TRPC4: variants seen among roughly 807,000 people sequenced by gnomAD.
The protein encoded by TRPC4 is transient receptor potential cation channel subfamily C member 4.
TRPC4 carries 49 observed loss-of-function variants against 99.4 expected under a neutral mutation model. The ratio of observed to expected loss-of-function variants is 0.49; its 90% CI spans 0.39 to 0.63. TRPC4 has a LOEUF of 0.63. TRPC4 is among the 20% of genes least tolerant of loss of function. TRPC4 has a pLI of 0.00. For synonymous variants in TRPC4, 454 were observed against 425.9 expected (o/e 1.07, Z -0.81); for missense variants, 898 against 1,152.9 (o/e 0.78, Z 3.20).
intron 3 of TRPC4, among the ~76,000 whole-genome samples, chr13:37,742,147 G>A (rs1435563502): frequency 2.0e-5 from 3 of 152,092 alleles, no homozygotes; most frequent in Non-Finnish European, 4.4e-5. Flanking sequence ...CTATGATGCT[G>A]CTGCTTAGAA....
At chr13:37,660,646 A>G (rs557202622) in intron 6 of TRPC4, among the ~76,000 whole-genome samples, 2 of 152,310 alleles carry the variant, frequency 1.3e-5, no homozygotes, top group South Asian at 2.1e-4. Context: ...ACCATTGCCA[A>G]TCATGAAGAT....
chr13:37,781,208 T>A (rs1956830096), intron 2 of TRPC4, among the ~76,000 whole-genome samples: 1 of 152,122 alleles, frequency 6.6e-6, no homozygotes. Flanking sequence ...AAAATAGAAC[T>A]AAGAAGGTTC....
At chr13:37,706,623 C>G (rs1326543402) in intron 3 of TRPC4, among the ~76,000 whole-genome samples, 1 of 148,128 alleles carries the variant, frequency 6.8e-6, no homozygotes, top group Non-Finnish European at 1.5e-5. Context: ...TGCTACCCCT[C>G]CCCCCTACCC....
chr13:37,638,951 C>G, intron 10 of TRPC4, 89 bp downstream of exon 10: 1 of 1,344,328 alleles, frequency 7.4e-7, no homozygotes, highest in South Asian at 1.2e-5. Context: ...GAACACACAG[C>G]TGCATTTCCA....
chr13:37,730,862 C>T (rs565071324), intron 3 of TRPC4, among the ~76,000 whole-genome samples: 1 of 152,080 alleles, frequency 6.6e-6, no homozygotes, highest in African/African-American at 2.4e-5. Context: ...TATAAAATGG[C>T]AGCTTCTTTG....
chr13:37,675,169 T>G (rs1013790721), intron 4 of TRPC4, among the ~76,000 whole-genome samples: 1 of 152,162 alleles, frequency 6.6e-6, no homozygotes, highest in Non-Finnish European at 1.5e-5. Flanking sequence ...ACATGAAATT[T>G]AGAGTTGAAG....
intron 5 of TRPC4, among the ~76,000 whole-genome samples, chr13:37,671,983 T>G (rs188707818): frequency 1.3e-5 from 2 of 152,376 alleles, no homozygotes; most frequent in Admixed American, 6.5e-5. Flanking sequence ...TACTGTGTAC[T>G]GCTCCACATA....
Position 37,635,677 on chromosome 13 carries a change from A to G in TRPC4, c.*1226T>C, listed in dbSNP as rs1285461792. ...TGGCTTAAATAGACACAAGCAATGT[A>G]AAATTTAAGCTTTAAGTTTCTAGTA... On this transcript the variant is annotated 3_prime_UTR_variant, in exon 11 of 11. Transcript: ENST00000379705. 2.0e-5 allele frequency among the ~76,000 whole-genome samples: 3 copies of G among 152,142 alleles called. No individual in the cohort carries two copies. Among genetic ancestry groups the G allele is most frequent in the Admixed American group, 6.6e-5 (1 of 15,256 alleles).
intron 1 of TRPC4, among the ~76,000 whole-genome samples, chr13:37,837,974 A>G (rs1958613094): frequency 6.6e-6 from 1 of 152,190 alleles, no homozygotes; most frequent in Non-Finnish European, 1.5e-5. Flanking sequence ...TGGTTTCAGA[A>G]GGAGGAGTTT....
chr13:37,838,931 G>A (rs1958651318), intron 1 of TRPC4, among the ~76,000 whole-genome samples: 1 of 152,092 alleles, frequency 6.6e-6, no homozygotes, highest in Non-Finnish European at 1.5e-5. Context: ...AGTCCTCAAG[G>A]AGTTACATAA....
intron 5 of TRPC4, among the ~76,000 whole-genome samples, chr13:37,667,146 C>G (rs573475202): frequency 1.3e-5 from 2 of 152,112 alleles, no homozygotes; most frequent in African/African-American, 2.4e-5. Flanking sequence ...GTCTAAAATC[C>G]CAGCATCTAA....
At chr13:37,686,876 C>T (rs533161093) in intron 4 of TRPC4, among the ~76,000 whole-genome samples, 6 of 152,252 alleles carry the variant, frequency 3.9e-5, no homozygotes, top group South Asian at 2.1e-4. Context: ...AATGTCACGT[C>T]GCTTCAGCAG....
intron 1 of TRPC4, among the ~76,000 whole-genome samples, chr13:37,862,684 CTG>C (rs751936458): frequency 1.3e-5 from 2 of 151,570 alleles, no homozygotes; most frequent in Non-Finnish European, 3.0e-5. Flanking sequence ...ATACAGGACA[CTG>C]GAGTGTGATA....
At chr13:37,718,016 T>C (rs753124054) in intron 3 of TRPC4, among the ~76,000 whole-genome samples, 4 of 152,124 alleles carry the variant, frequency 2.6e-5, no homozygotes, top group Non-Finnish European at 5.9e-5. Flanking sequence ...AGGCTACCAC[T>C]GTGGTACATT....
chr13:37,865,996 T>A (rs1044307191), intron 1 of TRPC4, among the ~76,000 whole-genome samples: 1 of 151,774 alleles, frequency 6.6e-6, no homozygotes, highest in Non-Finnish European at 1.5e-5. Context: ...CCTCTTTTCT[T>A]TTTTCACAAT....
At chr13:37,704,580 G>A (rs944548450) in intron 3 of TRPC4, among the ~76,000 whole-genome samples, 1 of 152,188 alleles carries the variant, frequency 6.6e-6, no homozygotes, top group Middle Eastern at 3.4e-3. Context: ...AGGTTGCAGT[G>A]AGGTGAGATC....
chr13:37,867,542 G>T (rs1257106406), intron 1 of TRPC4, among the ~76,000 whole-genome samples: 1 of 151,938 alleles, frequency 6.6e-6, no homozygotes, highest in Non-Finnish European at 1.5e-5. Flanking sequence ...TTATCACAGG[G>T]TATGCTGATA....
At chr13:37,825,575 C>G (rs4391927) in intron 1 of TRPC4, among the ~76,000 whole-genome samples, 147,099 of 148,278 alleles carry the variant, frequency 0.99, 72,978 homozygotes, top group South Asian at 1. Flanking sequence ...CCATGTAGTC[C>G]AGCGGTTTTG....
chr13:37,784,160 A>AGATATTCTTGATGTACTGAGAC (rs1351293640), intron 1 of TRPC4, among the ~76,000 whole-genome samples: 12 of 152,178 alleles, frequency 7.9e-5, no homozygotes, highest in African/African-American at 2.9e-4. Context: ...GAGAATATTA[A>AGATATTCTTGATGTACTGAGAC]TCATCAAGAT....
Sources: gnomAD v4.1 joint callset for allele counts (sites outside exome capture counted in the v4.1 genomes callset) on GRCh38, gnomAD v4.1.1 for gene constraint, MANE v1.5 for transcripts, NCBI Gene and HGNC (gene_info 2026-07-23, HGNC 2026-07-21) for gene names.